The following CSMD1 variants were observed in gnomAD, a reference collection of about 807,000 sequenced individuals.
The protein encoded by CSMD1 is CUB and sushi domain-containing protein 1.
Under a neutral mutation model 417.5 loss-of-function variants are expected in CSMD1, and 213 were observed. The ratio of observed to expected loss-of-function variants is 0.51; its 90% CI spans 0.46 to 0.57. CSMD1 has a LOEUF of 0.57. Ranked by LOEUF, CSMD1 falls within the 20% of genes least tolerant of loss-of-function variation. CSMD1 has a pLI of 0.00. For synonymous variants in CSMD1, 2,862 were observed against 1,736.8 expected (o/e 1.65, Z -16.11); for missense variants, 6,923 against 4,529.7 (o/e 1.53, Z -15.17).
intron 62 of CSMD1, among the ~76,000 whole-genome samples, chr8:2,960,067 T>C (rs1803324322): frequency 1.3e-5 from 2 of 152,218 alleles, no homozygotes; most frequent in African/African-American, 4.8e-5. Flanking sequence ...AAGTTGTACA[T>C]AGGCAAGTTA....
intron 1 of CSMD1, among the ~76,000 whole-genome samples, chr8:4,880,894 T>A (rs1174343782): frequency 6.6e-6 from 1 of 152,124 alleles, no homozygotes; most frequent in Non-Finnish European, 1.5e-5. Flanking sequence ...AAAGAGAATT[T>A]AAGAAATGTT....
In CSMD1 at chr8:4,226,067, GACACACACACACACACACAC is replaced by G. The variant is rs67767005; in HGVS notation, c.415+193866_415+193885del. 9.1e-5 allele frequency among the ~76,000 whole-genome samples: 13 copies of G among 143,602 alleles called. No homozygotes were observed. The South Asian group carries it at 1.4e-3, about 15-fold the overall frequency. 94.2% of individuals were successfully genotyped at this position (143,602 alleles called of 152,430 possible). A position where few individuals can be genotyped will look rare whatever the true frequency, so the allele number is the denominator to read the frequency against. On this transcript the variant is annotated intron_variant, in intron 3 of 69. Transcript: ENST00000635120. ...GCTGGAAGGTTAGAGCTGACAGGCG[GACACACACACACACACACAC>G]ACACACACACACACACACACGCCAA... is the stretch of plus-strand genomic sequence containing the variant.
chr8:4,788,353 T>C, intron 1 of CSMD1: 2 of 1,496,920 alleles, frequency 1.3e-6, no homozygotes, highest in East Asian at 2.3e-5. Context: ...TATCCAGTTA[T>C]CACCTGTCCT....
intron 1 of CSMD1, among the ~76,000 whole-genome samples, chr8:4,897,622 T>C (rs574782807): frequency 6.6e-6 from 1 of 152,122 alleles, no homozygotes; most frequent in Non-Finnish European, 1.5e-5. Context: ...TCATTATTTG[T>C]CATTACGTTA....
At chr8:4,231,226 C>G (rs934216077) in intron 3 of CSMD1, among the ~76,000 whole-genome samples, 1 of 152,174 alleles carries the variant, frequency 6.6e-6, no homozygotes, top group African/African-American at 2.4e-5. Flanking sequence ...TCTTATCCCT[C>G]TTTGAGGTTA....
chr8:3,645,721 T>C (rs557817292), intron 7 of CSMD1, among the ~76,000 whole-genome samples: 231 of 152,268 alleles, frequency 1.5e-3, no homozygotes, highest in Middle Eastern at 3.4e-3. Context: ...GCAAGGAACA[T>C]GGAAGCTGCT....
intron 21 of CSMD1, among the ~76,000 whole-genome samples, 158 bp from the exon 22 acceptor site, chr8:3,348,319 T>C (rs952072231): frequency 6.6e-6 from 1 of 152,128 alleles, no homozygotes; most frequent in African/African-American, 2.4e-5. Context: ...TTTTTTATTG[T>C]TTGACCAACT....
chr8:4,644,440 C>G (rs1188459576), intron 1 of CSMD1, among the ~76,000 whole-genome samples: 1 of 152,026 alleles, frequency 6.6e-6, no homozygotes, highest in African/African-American at 2.4e-5. Context: ...CAGAGTCTCT[C>G]TCTGTCACCA....
At chr8:4,734,455 G>C (rs946711964) in intron 1 of CSMD1, among the ~76,000 whole-genome samples, 3 of 152,016 alleles carry the variant, frequency 2.0e-5, no homozygotes, top group Non-Finnish European at 2.9e-5. Flanking sequence ...GGAATTCTGT[G>C]ACTAATAACT....
chr8:4,464,445 G>A (rs910759429), intron 2 of CSMD1, among the ~76,000 whole-genome samples: 3 of 152,054 alleles, frequency 2.0e-5, no homozygotes, highest in Non-Finnish European at 4.4e-5. Context: ...CTCAGAACAC[G>A]CACATTAGCC....
intron 2 of CSMD1, among the ~76,000 whole-genome samples, chr8:4,512,019 G>C (rs781180601): frequency 1.3e-5 from 2 of 152,126 alleles, no homozygotes; most frequent in African/African-American, 4.8e-5. Context: ...GTTTCTCATG[G>C]ACATGGTTGC....
intron 3 of CSMD1, among the ~76,000 whole-genome samples, chr8:4,053,767 G>A (rs1442874265): frequency 6.6e-6 from 1 of 152,018 alleles, no homozygotes; most frequent in Non-Finnish European, 1.5e-5. Context: ...ATGGCATTTG[G>A]GGGCTTAGAT....
intron 21 of CSMD1, among the ~76,000 whole-genome samples, chr8:3,357,487 A>G (rs148801629): frequency 6.6e-6 from 1 of 152,350 alleles, no homozygotes; most frequent in East Asian, 1.9e-4. Flanking sequence ...AATAGTACCT[A>G]TTCTTCCAAC....
chr8:3,838,736 T>C lies in CSMD1; in HGVS notation c.819-84694A>G, dbSNP rs1802881175. On this transcript the variant is annotated intron_variant, in intron 5 of 69. Coordinates refer to ENST00000635120, the MANE Select transcript of CSMD1 (RefSeq NM_033225.6). ...TAATATATAATAAATTAATATTATATAGTATAATATATAATAAATATTATA... is the reference window on the plus strand; with the variant it reads ...TAATATATAATAAATTAATATTATACAGTATAATATATAATAAATATTATA... Among the ~76,000 whole-genome samples the C allele has an allele frequency of 2.4e-5, 2 of 83,414 alleles. 1 individual carries two copies. Among genetic ancestry groups the C allele is most frequent in the South Asian group, 6.3e-4 (2 of 3,180 alleles). The allele number at this position is 83,414 out of a possible 152,430, so 54.7% of individuals were successfully genotyped here. A position where few individuals can be genotyped will look rare whatever the true frequency, so the allele number is the denominator to read the frequency against.
intron 2 of CSMD1, among the ~76,000 whole-genome samples, chr8:4,423,623 G>T (rs956521006): frequency 6.6e-6 from 1 of 151,956 alleles, no homozygotes; most frequent in Admixed American, 6.6e-5. Flanking sequence ...TAAAGATATA[G>T]GTTACTTCCA....
intron 23 of CSMD1, among the ~76,000 whole-genome samples, chr8:3,328,410 G>T (rs967810223): frequency 2.6e-5 from 4 of 152,114 alleles, no homozygotes; most frequent in Admixed American, 2.6e-4. Flanking sequence ...GAATTTGTGT[G>T]ACCTCATATT....
At chr8:4,854,207 G>A (rs1056168926) in intron 1 of CSMD1, among the ~76,000 whole-genome samples, 1 of 152,130 alleles carries the variant, frequency 6.6e-6, no homozygotes, top group South Asian at 2.1e-4. Flanking sequence ...TGGGGATGCA[G>A]GAGTGGAAAG....
intron 3 of CSMD1, among the ~76,000 whole-genome samples, chr8:4,407,134 T>A (rs1185640901): frequency 2.0e-5 from 3 of 152,316 alleles, no homozygotes; most frequent in East Asian, 3.9e-4. Context: ...AGACACCAGA[T>A]GAGCTGCAAA....
At chr8:4,035,074 C>T (rs73509332) in intron 3 of CSMD1, among the ~76,000 whole-genome samples, 1,726 of 152,146 alleles carry the variant, frequency 0.011, 33 homozygotes, top group East Asian at 0.052. Flanking sequence ...GAAAGATCAA[C>T]GAAACATTCT....
Sources: gnomAD v4.1 joint callset for allele counts (sites outside exome capture counted in the v4.1 genomes callset) on GRCh38, gnomAD v4.1.1 for gene constraint, MANE v1.5 for transcripts, NCBI Gene and HGNC (gene_info 2026-07-23, HGNC 2026-07-21) for gene names.